GLYATL2: variants seen among roughly 807,000 people sequenced by gnomAD.
GLYATL2 encodes glycine N-acyltransferase-like protein 2.
In GLYATL2, 25 loss-of-function variants were observed where a neutral mutation model predicts 21.4. That is an observed-to-expected ratio of 1.17 (90% confidence interval 0.85 to 1.63). GLYATL2 has a LOEUF of 1.63. Among genes scored for constraint, GLYATL2 ranks in the 40% most tolerant of loss-of-function variants. The probability of loss-of-function intolerance (pLI) is 0.00; values close to 1 mark genes in which losing one functional copy is unlikely to be tolerated. For missense variants in GLYATL2, 361 were observed against 343.3 expected, an observed-to-expected ratio of 1.05 and a Z score of -0.41; for synonymous variants, 114 against 118.2, an observed-to-expected ratio of 0.96 and a Z score of 0.23.
At chr11:58,907,260 G>C (rs75947442), upstream of GLYATL2, 428 of 456,212 alleles carry the variant, frequency 9.4e-4, 2 homozygotes, top group African/African-American at 8.0e-3. Flanking sequence ...CAGGTTTGTG[G>C]CCTGTGATCT....
intron 1 of GLYATL2, among the ~76,000 whole-genome samples, chr11:58,873,355 T>G (rs1271074207): frequency 1.3e-5 from 2 of 152,166 alleles, no homozygotes; most frequent in Non-Finnish European, 2.9e-5. Flanking sequence ...GGCATCCCTG[T>G]CTTGTGCCAG....
At chr11:58,864,256 G>A (rs1413117236) in intron 1 of GLYATL2, among the ~76,000 whole-genome samples, 1 of 152,164 alleles carries the variant, frequency 6.6e-6, no homozygotes, top group East Asian at 1.9e-4. Flanking sequence ...GAAACCTTGA[G>A]TTGTGGAGGC....
upstream of GLYATL2, chr11:58,905,394 G>A (rs895518328): frequency 4.5e-6 from 2 of 446,110 alleles, no homozygotes; most frequent in African/African-American, 4.0e-5. Flanking sequence ...GATCCCGCCT[G>A]GATGCACGTC....
At chr11:58,880,950 C>T (rs1854321838) in intron 1 of GLYATL2, among the ~76,000 whole-genome samples, 1 of 152,154 alleles carries the variant, frequency 6.6e-6, no homozygotes, top group African/African-American at 2.4e-5. Context: ...AAATTTCAAA[C>T]ATCTGTATTA....
chr11:58,845,879 C>T (rs565766584), upstream of GLYATL2, among the ~76,000 whole-genome samples: 1 of 152,116 alleles, frequency 6.6e-6, no homozygotes, highest in Non-Finnish European at 1.5e-5. Context: ...ATCATCTACT[C>T]CAGATGACAT....
chr11:58,860,143 C>A (rs1369848241), intron 1 of GLYATL2, among the ~76,000 whole-genome samples: 1 of 151,904 alleles, frequency 6.6e-6, no homozygotes, highest in African/African-American at 2.4e-5. Flanking sequence ...TTTTATATTC[C>A]TTTGAAGAAT....
chr11:58,842,820 GCAAA>G (rs1254144085), intron 1 of GLYATL2, among the ~76,000 whole-genome samples: 3 of 152,012 alleles, frequency 2.0e-5, no homozygotes, highest in South Asian at 2.1e-4. Context: ...CTTTTGCTTT[GCAAA>G]CATTTATTTC....
intron 1 of GLYATL2, among the ~76,000 whole-genome samples, chr11:58,853,659 G>A (rs1215845530): frequency 7.2e-5 from 11 of 151,908 alleles, no homozygotes; most frequent in Admixed American, 4.6e-4. Flanking sequence ...TATTTTTTTC[G>A]TAGTGAATAC....
chr11:58,854,936 G>A (rs1272082874), intron 1 of GLYATL2, among the ~76,000 whole-genome samples: 5 of 152,176 alleles, frequency 3.3e-5, no homozygotes, highest in Non-Finnish European at 7.3e-5. Context: ...TGAGATTGTA[G>A]CAATTCAGTC....
At chr11:58,904,227 T>G (rs1854801091), upstream of GLYATL2, 1 of 152,142 alleles carries the variant, frequency 6.6e-6, no homozygotes, top group Non-Finnish European at 1.5e-5. Context: ...CTTCCACACC[T>G]CCTATTGTCC....
At chr11:58,849,002 G>A (rs1853691888), upstream of GLYATL2, among the ~76,000 whole-genome samples, 2 of 152,182 alleles carry the variant, frequency 1.3e-5, no homozygotes, top group South Asian at 4.1e-4. Context: ...TCTGACAGCA[G>A]ATTTTTCAGT....
intron 1 of GLYATL2, among the ~76,000 whole-genome samples, chr11:58,850,099 A>G (rs1395573522): frequency 1.3e-5 from 2 of 152,240 alleles, no homozygotes; most frequent in Non-Finnish European, 2.9e-5. Flanking sequence ...ATGAATATTG[A>G]TGCAAAAATC....
At chr11:58,862,858 C>G (rs554749732) in intron 1 of GLYATL2, among the ~76,000 whole-genome samples, 2 of 151,588 alleles carry the variant, frequency 1.3e-5, no homozygotes, top group South Asian at 4.2e-4. Context: ...TATCATTTTT[C>G]TCTGATAGTT....
chr11:58,867,934 A>G (rs1854049453), intron 1 of GLYATL2, among the ~76,000 whole-genome samples: 1 of 148,708 alleles, frequency 6.7e-6, no homozygotes, highest in African/African-American at 2.4e-5. Flanking sequence ...TTCCAGCCTT[A>G]CCCCACTGCA....
upstream of GLYATL2, chr11:58,844,860 G>A (rs1853615383): frequency 6.6e-6 from 1 of 152,150 alleles, no homozygotes; most frequent in Non-Finnish European, 1.5e-5. Flanking sequence ...GAGTTGGAAA[G>A]TTTGATTTCA....
intron 1 of GLYATL2, among the ~76,000 whole-genome samples, chr11:58,890,316 T>C (rs1004027765): frequency 1.3e-5 from 2 of 152,154 alleles, no homozygotes; most frequent in African/African-American, 4.8e-5. Context: ...ATGCCATTAC[T>C]AGGTAAATAG....
chr11:58,900,749 C>T (rs578015279), intron 1 of GLYATL2, among the ~76,000 whole-genome samples: 1 of 152,128 alleles, frequency 6.6e-6, no homozygotes, highest in African/African-American at 2.4e-5. Context: ...CACGCCCATC[C>T]CTCCATTTAG....
chr11:58,851,593 G>C (rs564542), intron 1 of GLYATL2, among the ~76,000 whole-genome samples: 135,029 of 152,206 alleles, frequency 0.89, 61,057 homozygotes, highest in Non-Finnish European at 0.98. Context: ...ATAGACAATT[G>C]AGTTGGCCTT....
intron 1 of GLYATL2, among the ~76,000 whole-genome samples, chr11:58,898,479 CCT>C (rs1203729998): frequency 6.2e-5 from 5 of 80,860 alleles, no homozygotes; most frequent in Non-Finnish European, 1.3e-4. Flanking sequence ...ACTATTGTTT[CCT>C]CTTTTTTTTT....
Sources: allele counts gnomAD v4.1 joint callset (sites outside exome capture counted in the v4.1 genomes callset), GRCh38; gene constraint gnomAD v4.1.1; transcripts MANE v1.5; gene names NCBI Gene and HGNC (gene_info 2026-07-23, HGNC 2026-07-21).